Variants in B4GALT4 observed in about 807,000 individuals in gnomAD.
B4GALT4 encodes the protein beta-1,4-galactosyltransferase 4.
B4GALT4 carries 27 observed loss-of-function variants against 37.3 expected under a neutral mutation model. That is an observed-to-expected ratio of 0.72 (90% CI 0.53 to 1.00). The LOEUF is 1.00. Ranked by LOEUF, B4GALT4 falls within the 50% of genes least tolerant of loss-of-function variation. The pLI is 0.00. For synonymous variants in B4GALT4, 148 were observed against 154.1 expected (o/e 0.96, Z 0.29); for missense variants, 372 against 413.1 (o/e 0.90, Z 0.86).
At chr3:119,220,636 C>T (rs549212759) in intron 5 of B4GALT4, among the ~76,000 whole-genome samples, 38 of 152,106 alleles carry the variant, frequency 2.5e-4, no homozygotes, top group Middle Eastern at 3.4e-3. Context: ...CACAGGCTGC[C>T]CGACGACCAC....
At position 119,229,837 on chromosome 3, in the gene B4GALT4, C is replaced by A. The variant is rs1576924744; in HGVS notation, c.253+10G>T. On this transcript the variant is annotated intron_variant, in intron 3 of 7. Coordinates refer to ENST00000393765, the MANE Select transcript of B4GALT4 (RefSeq NM_003778.4). Reference sequence around the variant, plus strand: ...ATACTACTTAATCAAAGGAAAAAAGCAACACTTACTGAGGTAAGGAGACAC... The same window carrying A: ...ATACTACTTAATCAAAGGAAAAAAGAAACACTTACTGAGGTAAGGAGACAC... 2 of 1,611,224 alleles carry A rather than the reference C, an allele frequency of 1.2e-6. No individual in the cohort carries two copies. The highest frequency in any genetic ancestry group is 3.3e-4 in the Middle Eastern group (2 of 6,044).
chr3:119,238,593 C>T (rs968552061), intron 1 of B4GALT4, among the ~76,000 whole-genome samples: 5 of 152,114 alleles, frequency 3.3e-5, no homozygotes, highest in Non-Finnish European at 7.4e-5. Flanking sequence ...TCTTTTATCA[C>T]AGCATATTGT....
At chr3:119,237,950 T>G (rs1170760028) in intron 1 of B4GALT4, among the ~76,000 whole-genome samples, 1 of 151,918 alleles carries the variant, frequency 6.6e-6, no homozygotes, top group Non-Finnish European at 1.5e-5. Context: ...AACAGCTAAG[T>G]AGAAAAAAAG....
At position 119,230,106 on chromosome 3, in the gene B4GALT4, T is replaced by C; in HGVS notation, c.-7A>G. On this transcript the variant is annotated 5_prime_UTR_variant, in exon 3 of 8. In the 5' UTR this introduces an upstream ATG that the reference lacks. Transcript: ENST00000393765. ...AAGTCAGGTTGAAGCCCATGTTTTT[T>C]ATTACGTGAATAATATCTATCTCTC... 6.2e-7 allele frequency: 1 copy of C among 1,613,980 alleles called. No homozygotes were observed. Among genetic ancestry groups the C allele is most frequent in the South Asian group, 1.1e-5 (1 of 91,056 alleles).
At chr3:119,227,917 T>C (rs1246138429) in intron 3 of B4GALT4, among the ~76,000 whole-genome samples, 7 of 152,146 alleles carry the variant, frequency 4.6e-5, no homozygotes, top group Non-Finnish European at 1.0e-4. Flanking sequence ...ACGTGTCTAA[T>C]GGCACCTTGG....
intron 2 of B4GALT4, among the ~76,000 whole-genome samples, chr3:119,231,449 T>C (rs962808433): frequency 7.2e-5 from 11 of 152,132 alleles, no homozygotes; most frequent in Admixed American, 3.3e-4. Flanking sequence ...ATAATCTCCA[T>C]AGACAAACAT....
chr3:119,221,051 G>C (rs944340135), intron 5 of B4GALT4, among the ~76,000 whole-genome samples: 1 of 150,914 alleles, frequency 6.6e-6, no homozygotes, highest in East Asian at 1.9e-4. Flanking sequence ...TGTGTTTATT[G>C]ATCTTTGCTT....
Position 119,212,140 on chromosome 3 carries a change from C to G in B4GALT4, c.*409G>C. ...AACAGTATTGTATCTTCGTACCTTT[C>G]TACCTTGGACGAGAACAACTCTGGT... On this transcript the variant is annotated 3_prime_UTR_variant, in exon 8 of 8. Coordinates refer to ENST00000393765, the MANE Select transcript of B4GALT4 (RefSeq NM_003778.4). 1.4e-6 allele frequency: 1 copy of G among 703,060 alleles called. No homozygotes were observed. The highest frequency in any genetic ancestry group is 2.6e-6 in the Non-Finnish European group (1 of 385,014). The allele number at this position is 703,060 out of a possible 1,614,324, so 43.6% of individuals were successfully genotyped here. A position where few individuals can be genotyped will look rare whatever the true frequency, so the allele number is the denominator to read the frequency against.
intron 7 of B4GALT4, chr3:119,215,290 C>T (rs1426613767): frequency 1.3e-5 from 2 of 152,234 alleles, no homozygotes; most frequent in Non-Finnish European, 2.9e-5. Context: ...TTCTGGCCTT[C>T]ATCTTTCTCC....
chr3:119,228,630 A>G (rs1380513196), intron 3 of B4GALT4, among the ~76,000 whole-genome samples: 1 of 152,242 alleles, frequency 6.6e-6, no homozygotes, highest in Non-Finnish European at 1.5e-5. Context: ...CCATGACTAA[A>G]GAGAAGCAGC....
chr3:119,217,469 C>A (rs1576891339), intron 6 of B4GALT4, among the ~76,000 whole-genome samples: 1 of 152,136 alleles, frequency 6.6e-6, no homozygotes, highest in East Asian at 1.9e-4. Flanking sequence ...CAGCATGGAG[C>A]CCCTGGGTTC....
At position 119,230,266 on chromosome 3, in the gene B4GALT4, C is replaced by T. The variant is rs573808745; in HGVS notation, c.-145-22G>A. ...CAGTCTAAAACGCAATCACAAAAGA[C>T]ACGTTGTTTCAAATGGAAATTCTAT... On this transcript the variant is annotated intron_variant, in intron 2 of 7. Transcript: ENST00000393765. 4.7e-6 allele frequency: 4 copies of T among 855,318 alleles called. No individual in the cohort carries two copies. The East Asian group carries it at 8.0e-5, about 17-fold the overall frequency. The allele number at this position is 855,318 out of a possible 1,614,324, so 53.0% of individuals were successfully genotyped here. A position where few individuals can be genotyped will look rare whatever the true frequency, so the allele number is the denominator to read the frequency against.
chr3:119,229,066 A>G (rs1164968243), intron 3 of B4GALT4, among the ~76,000 whole-genome samples: 2 of 152,214 alleles, frequency 1.3e-5, no homozygotes, highest in East Asian at 3.8e-4. Context: ...TATTTAAGAA[A>G]TAAACACTAA....
At chr3:119,235,700 G>T (rs1487445789) in intron 2 of B4GALT4, among the ~76,000 whole-genome samples, 1 of 152,150 alleles carries the variant, frequency 6.6e-6, no homozygotes, top group Non-Finnish European at 1.5e-5. Context: ...AGGGACAGTG[G>T]TTCCCTGGGC....
At chr3:119,213,701 A>G (rs2078217685) in intron 7 of B4GALT4, 1 of 152,188 alleles carries the variant, frequency 6.6e-6, no homozygotes, top group African/African-American at 2.4e-5. Context: ...ATGCACTCAA[A>G]GTGGGGGTAG....
chr3:119,226,776 C>T (rs72655934), intron 4 of B4GALT4, 33 bp downstream of exon 4: 7 of 1,570,446 alleles, frequency 4.5e-6, no homozygotes, highest in South Asian at 3.4e-5. Context: ...AGAGGAGGGT[C>T]GAGGGCAGGC....
chr3:119,233,480 T>A (rs1449115889), intron 2 of B4GALT4, among the ~76,000 whole-genome samples: 1 of 152,174 alleles, frequency 6.6e-6, no homozygotes, highest in Non-Finnish European at 1.5e-5. Flanking sequence ...AACCTGTGTA[T>A]ACAGAGGGCC....
At chr3:119,222,810 C>CCTTCAAG (rs1367156573) in intron 5 of B4GALT4, among the ~76,000 whole-genome samples, 1 of 152,208 alleles carries the variant, frequency 6.6e-6, no homozygotes, top group Non-Finnish European at 1.5e-5. Flanking sequence ...TAAACCCTTC[C>CCTTCAAG]CTTCAAGGTG....
intron 5 of B4GALT4, among the ~76,000 whole-genome samples, chr3:119,223,159 T>C (rs1369457017): frequency 6.6e-6 from 1 of 152,230 alleles, no homozygotes; most frequent in African/African-American, 2.4e-5. Flanking sequence ...GTGCTTATAG[T>C]TGTATTTGCA....
Sources: gnomAD v4.1 joint callset for allele counts (sites outside exome capture counted in the v4.1 genomes callset) on GRCh38, gnomAD v4.1.1 for gene constraint, MANE v1.5 for transcripts, NCBI Gene and HGNC (gene_info 2026-07-23, HGNC 2026-07-21) for gene names.